CALCR: variants seen among roughly 807,000 people sequenced by gnomAD.
CALCR encodes the protein calcitonin receptor.
A neutral mutation model predicts 59.5 loss-of-function variants in CALCR; 47 were observed. The observed-to-expected ratio is 0.79, with a 90% CI of 0.63 to 1.01. The LOEUF (loss-of-function observed/expected upper bound fraction) is 1.01. CALCR is among the 50% of genes least tolerant of loss of function. The pLI is 0.00. For synonymous variants in CALCR, 213 were observed against 211.3 expected, an observed-to-expected ratio of 1.01 and a Z score of -0.07; for missense variants, 566 against 597.1, an observed-to-expected ratio of 0.95 and a Z score of 0.54.
intron 2 of CALCR, among the ~76,000 whole-genome samples, chr7:93,501,678 T>G (rs1171313713): frequency 1.3e-5 from 2 of 152,084 alleles, no homozygotes; most frequent in African/African-American, 4.8e-5. Context: ...CACCTCTCTC[T>G]GGTGGTAGTA....
chr7:93,570,160 A>C (rs1011432774), intron 2 of CALCR, among the ~76,000 whole-genome samples: 2 of 152,148 alleles, frequency 1.3e-5, no homozygotes, highest in Admixed American at 1.3e-4. Context: ...ATACCATGAA[A>C]CATCTTAAAT....
chr7:93,443,905 T>A (rs1799961914), intron 8 of CALCR, 148 bp from the exon 9 acceptor site: 17 of 643,372 alleles, frequency 2.6e-5, no homozygotes, highest in Non-Finnish European at 2.7e-6. Flanking sequence ...CCACCTGCTA[T>A]ACCCACAAAT....
intron 4 of CALCR, among the ~76,000 whole-genome samples, chr7:93,478,206 G>A (rs1305828113): frequency 7.5e-6 from 1 of 133,268 alleles, no homozygotes; most frequent in Non-Finnish European, 1.7e-5. Context: ...TGCCTGTTCA[G>A]TTCTTGATAA....
chr7:93,501,466 A>G (rs942216954), intron 2 of CALCR, among the ~76,000 whole-genome samples: 2 of 152,232 alleles, frequency 1.3e-5, no homozygotes, highest in South Asian at 4.1e-4. Context: ...GGTTTAATCA[A>G]CCCCACAAAC....
chr7:93,567,378 G>C (rs777948381), intron 2 of CALCR, among the ~76,000 whole-genome samples: 7 of 151,842 alleles, frequency 4.6e-5, no homozygotes, highest in Admixed American at 2.6e-4. Flanking sequence ...TGGATGTGCT[G>C]GGACAAAGAA....
At chr7:93,429,756 C>T (rs1459515888) in intron 13 of CALCR, among the ~76,000 whole-genome samples, 1 of 151,700 alleles carries the variant, frequency 6.6e-6, no homozygotes, top group African/African-American at 2.4e-5. Flanking sequence ...CAGTTTTGAT[C>T]CAATGAATGC....
chr7:93,539,840 G>A (rs992824012), intron 2 of CALCR, among the ~76,000 whole-genome samples: 4 of 152,158 alleles, frequency 2.6e-5, no homozygotes, highest in African/African-American at 4.8e-5. Flanking sequence ...AGCAGTTCAC[G>A]CCTTTGTATG....
At chr7:93,473,590 C>CTTT (rs1195826503) in intron 5 of CALCR, among the ~76,000 whole-genome samples, 11,085 of 123,886 alleles carry the variant, frequency 0.089, 1,109 homozygotes, top group East Asian at 0.29. Context: ...GCCCCCCCCC[C>CTTT]TTTTTTTTTT....
intron 3 of CALCR, among the ~76,000 whole-genome samples, chr7:93,485,716 T>C (rs905267928): frequency 7.9e-5 from 12 of 151,696 alleles, no homozygotes; most frequent in African/African-American, 2.7e-4. Flanking sequence ...GTGTTTTTAT[T>C]ATATTTCCAG....
At chr7:93,431,771 A>G (rs2115671084) in intron 13 of CALCR, among the ~76,000 whole-genome samples, 1 of 152,328 alleles carries the variant, frequency 6.6e-6, no homozygotes. Flanking sequence ...GTTTCTGATC[A>G]TGCTACTTCC....
intron 2 of CALCR, among the ~76,000 whole-genome samples, chr7:93,539,372 A>G (rs1189449164): frequency 3.3e-5 from 5 of 151,900 alleles, no homozygotes; most frequent in South Asian, 2.1e-4. Flanking sequence ...TGCCATTTCA[A>G]TCAGGGGCTT....
intron 13 of CALCR, among the ~76,000 whole-genome samples, chr7:93,428,720 G>C (rs1274120868): frequency 6.6e-6 from 1 of 150,718 alleles, no homozygotes; most frequent in Non-Finnish European, 1.5e-5. Context: ...CTGGGAGGCG[G>C]AGCTTGCAGT....
intron 2 of CALCR, among the ~76,000 whole-genome samples, chr7:93,512,589 G>A (rs35065078): frequency 0.072 from 10,946 of 152,152 alleles, 505 homozygotes; most frequent in Non-Finnish European, 0.098. Flanking sequence ...TATAAACACA[G>A]GGACATCCTC....
At chr7:93,541,482 G>T (rs1448375515) in intron 2 of CALCR, among the ~76,000 whole-genome samples, 1 of 152,090 alleles carries the variant, frequency 6.6e-6, no homozygotes, top group Non-Finnish European at 1.5e-5. Flanking sequence ...TGGTAAAAGA[G>T]CAACATAATT....
chr7:93,529,760 A>G (rs1278327064), intron 2 of CALCR, among the ~76,000 whole-genome samples: 1 of 152,204 alleles, frequency 6.6e-6, no homozygotes, highest in Non-Finnish European at 1.5e-5. Context: ...AAATAAATAA[A>G]GGAAAAGATG....
At chr7:93,523,756 G>A (rs999263094) in intron 2 of CALCR, among the ~76,000 whole-genome samples, 1 of 151,888 alleles carries the variant, frequency 6.6e-6, no homozygotes, top group Non-Finnish European at 1.5e-5. Context: ...TATAAACTAT[G>A]CTATTGAAAT....
chr7:93,504,329 T>G (rs1801382103), intron 2 of CALCR, among the ~76,000 whole-genome samples: 1 of 152,214 alleles, frequency 6.6e-6, no homozygotes, highest in Admixed American at 6.5e-5. Context: ...ATTGTTTAAG[T>G]ATAGCTAAAA....
intron 2 of CALCR, among the ~76,000 whole-genome samples, chr7:93,512,778 A>G (rs1801573470): frequency 6.6e-6 from 1 of 152,174 alleles, no homozygotes; most frequent in African/African-American, 2.4e-5. Context: ...ATTTGGCTGC[A>G]TCTGCCCCTT....
Position 93,477,616 on chromosome 7 carries a change from C to T in CALCR, c.258G>A (p.Pro86=), listed in dbSNP as rs375024883. The change falls in exon 5 of 14, where the codon CCG becomes CCA. Residue 86 remains proline, a synonymous_variant. Coordinates refer to ENST00000426151, the MANE Select transcript of CALCR (RefSeq NM_001742.4). ...AGAACTGATAGGACAATACTCCAGCCGGTGTGTCATCCCAGCACAGCCATC... is the reference window on the plus strand; with the variant it reads ...AGAACTGATAGGACAATACTCCAGCTGGTGTGTCATCCCAGCACAGCCATC... ...WDGWLCWDDT[P]AGVLSYQFCP... 1.3e-4 allele frequency: 205 copies of T among 1,611,484 alleles called. No individual in the cohort carries two copies. Among genetic ancestry groups the T allele is most frequent in the South Asian group, 6.6e-4 (60 of 90,992 alleles).
Sources: allele counts gnomAD v4.1 joint callset (sites outside exome capture counted in the v4.1 genomes callset), GRCh38; gene constraint gnomAD v4.1.1; transcripts MANE v1.5; gene names NCBI Gene and HGNC (gene_info 2026-07-23, HGNC 2026-07-21).